Variants in ATG3 observed in about 807,000 individuals in gnomAD.
The protein encoded by ATG3 is ubiquitin-like-conjugating enzyme ATG3.
In ATG3, 25 loss-of-function variants were observed where a neutral mutation model predicts 50.7. The ratio of observed to expected loss-of-function variants is 0.49; its 90% confidence interval spans 0.36 to 0.69. ATG3 has a LOEUF of 0.69. Among genes scored for constraint, ATG3 ranks in the 30% least tolerant of loss-of-function variants. ATG3 has a pLI of 0.00. For missense variants in ATG3, 281 were observed against 376.0 expected (o/e 0.75, Z 2.09); for synonymous variants, 119 against 125.5 (o/e 0.95, Z 0.34).
chr3:112,548,381 T>C (rs1933429372), intron 5 of ATG3, 152 bp downstream of exon 5: 4 of 678,636 alleles, frequency 5.9e-6, no homozygotes, highest in East Asian at 5.5e-5. Context: ...TAAAGGCTTC[T>C]TTTTTAAAAT....
At chr3:112,544,658 GAA>G (rs576984897) in intron 5 of ATG3, among the ~76,000 whole-genome samples, 1 of 64,100 alleles carries the variant, frequency 1.6e-5, no homozygotes, top group African/African-American at 4.2e-5. Flanking sequence ...CCGTCTCAGG[GAA>G]AAAAAAAAAA....
At chr3:112,559,977 C>T (rs981690731) in intron 1 of ATG3, among the ~76,000 whole-genome samples, 5 of 152,188 alleles carry the variant, frequency 3.3e-5, no homozygotes, top group Admixed American at 6.5e-5. Context: ...TCTCTGTAAA[C>T]AACAGTTTGC....
chr3:112,545,396 T>C (rs922949304), intron 5 of ATG3, among the ~76,000 whole-genome samples: 1 of 152,196 alleles, frequency 6.6e-6, no homozygotes, highest in Non-Finnish European at 1.5e-5. Flanking sequence ...AGTAAAACAA[T>C]AGCATCTAAA....
intron 6 of ATG3, among the ~76,000 whole-genome samples, chr3:112,542,193 G>A (rs919603292): frequency 2.6e-5 from 4 of 152,140 alleles, no homozygotes; most frequent in Admixed American, 6.5e-5. Context: ...CAATTCATTA[G>A]TATTAGAAAA....
chr3:112,549,693 A>G (rs887430309), intron 4 of ATG3, among the ~76,000 whole-genome samples: 11 of 150,710 alleles, frequency 7.3e-5, no homozygotes, highest in African/African-American at 2.4e-4. Context: ...TGTAATCCCA[A>G]CTACTTGGGA....
intron 1 of ATG3, 65 bp downstream of exon 1, chr3:112,561,389 TGCG>T: frequency 1.3e-6 from 2 of 1,531,482 alleles, no homozygotes; most frequent in Non-Finnish European, 1.8e-6. Context: ...CGGGGACTCC[TGCG>T]GCGCCTGGTC....
chr3:112,555,241 A>G (rs998426808), intron 2 of ATG3, among the ~76,000 whole-genome samples: 8 of 152,254 alleles, frequency 5.3e-5, no homozygotes, highest in African/African-American at 1.9e-4. Context: ...ACTCACACTG[A>G]TAATACATGT....
At chr3:112,537,684 A>G (rs1933107413) in intron 9 of ATG3, 51 bp downstream of exon 9, 3 of 1,393,414 alleles carry the variant, frequency 2.2e-6, no homozygotes, top group Admixed American at 5.0e-5. Flanking sequence ...AGAAATTAAA[A>G]CCCAACAATT....
At chr3:112,543,172 A>G (rs888726348) in intron 6 of ATG3, among the ~76,000 whole-genome samples, 3 of 152,242 alleles carry the variant, frequency 2.0e-5, no homozygotes, top group South Asian at 4.1e-4. Flanking sequence ...TGTTGTAGCA[A>G]AAGTGTCATA....
rs866167207 is a variant in ATG3, at chr3:112,556,456, C to T, written c.114+1920G>A. 6.6e-5 allele frequency among the ~76,000 whole-genome samples: 10 copies of T among 152,054 alleles called. No homozygotes were observed. In the Middle Eastern group the frequency reaches 0.021, roughly 312 times the overall value. ...GCCCCGTCCGGGAGGTGAGGGGCAC[C>T]TCTGCCCGGCCGCCCCTACTGGGAA... On this transcript the variant is annotated intron_variant, in intron 2 of 11. Transcript: ENST00000283290.
intron 7 of ATG3, among the ~76,000 whole-genome samples, chr3:112,539,797 T>C (rs942599175): frequency 6.6e-6 from 1 of 152,336 alleles, no homozygotes; most frequent in African/African-American, 2.4e-5. Flanking sequence ...ATTACATATA[T>C]AGCAATTCTT....
intron 5 of ATG3, among the ~76,000 whole-genome samples, chr3:112,546,174 C>CA (rs35251867): frequency 0.083 from 12,532 of 151,386 alleles, 687 homozygotes; most frequent in African/African-American, 0.15. Flanking sequence ...CAACAACAAA[C>CA]AAAAAAAAAC....
chr3:112,559,687 G>C (rs1474059760), intron 1 of ATG3, among the ~76,000 whole-genome samples: 2 of 152,208 alleles, frequency 1.3e-5, no homozygotes, highest in Non-Finnish European at 2.9e-5. Flanking sequence ...AAGAGCACAT[G>C]CAAAACCCCA....
Position 112,561,648 on chromosome 3 carries a change from A to G in ATG3, c.-120T>C. 9.9e-7 allele frequency: 1 copy of G among 1,013,046 alleles called. No individual in the cohort carries two copies. The highest frequency in any genetic ancestry group is 1.4e-6 in the Non-Finnish European group (1 of 693,922). The allele number at this position is 1,013,046 out of a possible 1,614,324, so 62.8% of individuals were successfully genotyped here. A position where few individuals can be genotyped will look rare whatever the true frequency, so the allele number is the denominator to read the frequency against. ...CTCGCATCAGCACCCGGCTGGCAGC[A>G]CCCGAGGGGACGGGACGCGACGCGA... On this transcript the variant is annotated 5_prime_UTR_variant, in exon 1 of 12. Coordinates refer to ENST00000283290, the MANE Select transcript of ATG3 (RefSeq NM_022488.5).
rs749134942 is a variant in ATG3 at position 112,541,819 on chromosome 3, T to C, written c.459A>G (p.Glu153=). Residue 153 remains glutamate (E), a synonymous_variant, in exon 7 of 12, where the codon GAA becomes GAG. Coordinates refer to ENST00000283290, the MANE Select transcript of ATG3 (RefSeq NM_022488.5). ...CAGGAATACCTTCCATATCTGCAGC[T>C]TCTCCTTCATCTTCATCTTCTTCCT... ...CEEEEDEDEG[E]AADMEEYEES... is the part of the protein sequence containing the mutation. 1.2e-6 allele frequency: 2 copies of C among 1,611,986 alleles called. No homozygotes were observed. Among genetic ancestry groups the C allele is most frequent in the South Asian group, 1.1e-5 (1 of 91,032 alleles).
chr3:112,561,411 G>C, intron 1 of ATG3, 46 bp downstream of exon 1: 2 of 1,593,224 alleles, frequency 1.3e-6, no homozygotes, highest in Non-Finnish European at 1.7e-6. Context: ...TCCCTGAAAA[G>C]TCGAGCATGT....
chr3:112,549,798 C>CAAAAAAAAAAAAA (rs71631400), intron 4 of ATG3, among the ~76,000 whole-genome samples: 1 of 116,800 alleles, frequency 8.6e-6, no homozygotes, highest in Non-Finnish European at 1.7e-5. Flanking sequence ...TCAAAACAAC[C>CAAAAAAAAAAAAA]AAAAAAAAAA....
At chr3:112,536,281 A>T in intron 10 of ATG3, 194 bp downstream of exon 10, 1 of 598,564 alleles carries the variant, frequency 1.7e-6, no homozygotes, top group Non-Finnish European at 2.7e-6. Flanking sequence ...AACTTAAAAC[A>T]AATTGGTAAG....
rs2082563393 is a variant in ATG3, at chr3:112,532,513, CTT to C, written c.*184_*185del. The C allele has an allele frequency of 1.0e-5, 4 of 393,020 alleles. No individual in the cohort carries two copies. The highest frequency in any genetic ancestry group is 4.4e-6 in the Non-Finnish European group (1 of 225,938). 24.3% of individuals were successfully genotyped at this position (393,020 alleles called of 1,614,324 possible). ...TTTAATAAGACACAAGAAAAACTCT[CTT>C]TGCACTGATTTTTATTAAACAAGTA... is the stretch of plus-strand genomic sequence containing the variant. On this transcript the variant is annotated 3_prime_UTR_variant, in exon 12 of 12. Coordinates refer to ENST00000283290, the MANE Select transcript of ATG3 (RefSeq NM_022488.5).
Sources: gnomAD v4.1 joint callset for allele counts (sites outside exome capture counted in the v4.1 genomes callset) on GRCh38, gnomAD v4.1.1 for gene constraint, MANE v1.5 for transcripts, NCBI Gene and HGNC (gene_info 2026-07-23, HGNC 2026-07-21) for gene names.